The following PRUNE2 variants were observed in gnomAD, a reference collection of about 807,000 sequenced individuals.
PRUNE2 encodes protein prune homolog 2.
A neutral mutation model predicts 252.0 loss-of-function variants in PRUNE2; 164 were observed. That is an observed-to-expected ratio of 0.65 (90% CI 0.57 to 0.74). PRUNE2 has a LOEUF of 0.74. Ranked by LOEUF, PRUNE2 falls within the 30% of genes least tolerant of loss-of-function variation. The pLI is 0.00. For missense variants in PRUNE2, 3,495 were observed against 3,711.0 expected, an observed-to-expected ratio of 0.94 and a Z score of 1.51; for synonymous variants, 1,292 against 1,350.2, an observed-to-expected ratio of 0.96 and a Z score of 0.94.
chr9:76,692,397 A>T, intron 9 of PRUNE2: 1 of 491,890 alleles, frequency 2.0e-6, no homozygotes, highest in Middle Eastern at 5.4e-4. Context: ...CCTGCTCCCG[A>T]GTGAGACTGG....
At chr9:76,651,634 A>G (rs1255043319) in intron 11 of PRUNE2, among the ~76,000 whole-genome samples, 1 of 152,234 alleles carries the variant, frequency 6.6e-6, no homozygotes, top group Non-Finnish European at 1.5e-5. Flanking sequence ...GTATTTGTAC[A>G]TATTTCTTAA....
chr9:76,804,504 T>C (rs1323725703), intron 6 of PRUNE2, among the ~76,000 whole-genome samples: 1 of 152,244 alleles, frequency 6.6e-6, no homozygotes, highest in Non-Finnish European at 1.5e-5. Context: ...GCTATCATCT[T>C]GGTGCTTCAA....
chr9:76,730,175 C>T (rs978905793), intron 6 of PRUNE2, among the ~76,000 whole-genome samples: 10 of 152,150 alleles, frequency 6.6e-5, no homozygotes, highest in African/African-American at 2.2e-4. Flanking sequence ...TATGTACACA[C>T]CTGTTCAGTC....
intron 9 of PRUNE2, among the ~76,000 whole-genome samples, chr9:76,682,766 G>T (rs2043606898): frequency 5.3e-5 from 8 of 152,138 alleles, no homozygotes; most frequent in Admixed American, 5.2e-4. Context: ...AATTTGTAAA[G>T]ATCAAATCAG....
intron 6 of PRUNE2, among the ~76,000 whole-genome samples, chr9:76,801,062 C>T (rs907930626): frequency 6.6e-6 from 1 of 152,120 alleles, no homozygotes; most frequent in Non-Finnish European, 1.5e-5. Flanking sequence ...CACCAACTGC[C>T]CTCTCCTTGT....
chr9:76,646,564 T>C (rs1844945767), intron 11 of PRUNE2, among the ~76,000 whole-genome samples: 1 of 151,436 alleles, frequency 6.6e-6, no homozygotes, highest in African/African-American at 2.4e-5. Context: ...GTGTCCCTTG[T>C]GCAAATCCAC....
At chr9:76,677,222 T>G (rs12004137) in intron 9 of PRUNE2, among the ~76,000 whole-genome samples, 2,047 of 152,346 alleles carry the variant, frequency 0.013, 47 homozygotes, top group African/African-American at 0.046. Flanking sequence ...TACTGTTGCT[T>G]TGTCTATTTT....
intron 1 of PRUNE2, among the ~76,000 whole-genome samples, chr9:76,897,805 A>C (rs990086902): frequency 2.6e-5 from 4 of 152,176 alleles, no homozygotes; most frequent in Non-Finnish European, 5.9e-5. Context: ...GTGGGAGTTA[A>C]ATCAAATTTT....
intron 6 of PRUNE2, among the ~76,000 whole-genome samples, chr9:76,731,816 G>C (rs1385783459): frequency 6.6e-6 from 1 of 152,154 alleles, no homozygotes; most frequent in Non-Finnish European, 1.5e-5. Flanking sequence ...TTCCTTTACA[G>C]TGTGAACAAA....
At chr9:76,791,791 C>A (rs1035912175) in intron 6 of PRUNE2, among the ~76,000 whole-genome samples, 1 of 152,130 alleles carries the variant, frequency 6.6e-6, no homozygotes, top group African/African-American at 2.4e-5. Flanking sequence ...AGATAAAGAG[C>A]CAGACTACCC....
intron 8 of PRUNE2, among the ~76,000 whole-genome samples, chr9:76,704,505 G>A (rs2046163031): frequency 6.6e-6 from 1 of 152,170 alleles, no homozygotes; most frequent in Admixed American, 6.5e-5. Context: ...GATTACAGGC[G>A]TGAGCCACCG....
chr9:76,687,178 AAC>A (rs1353378711), intron 9 of PRUNE2, among the ~76,000 whole-genome samples: 1 of 152,170 alleles, frequency 6.6e-6, no homozygotes, highest in Non-Finnish European at 1.5e-5. Context: ...TCTATAGATA[AAC>A]AGTCTCTAGC....
At chr9:76,738,653 C>T (rs1173218802) in intron 6 of PRUNE2, 3 of 152,202 alleles carry the variant, frequency 2.0e-5, no homozygotes, top group Admixed American at 2.0e-4. Flanking sequence ...GATTTAACCA[C>T]TGCAGGTCTG....
chr9:76,638,413 TG>T, intron 12 of PRUNE2, 125 bp from the exon 13 acceptor site: 1 of 656,708 alleles, frequency 1.5e-6, no homozygotes, highest in Non-Finnish European at 2.7e-6. Flanking sequence ...CAGCATGAAA[TG>T]GGGATTATGT....
chr9:76,724,708 T>G (rs941585193), intron 6 of PRUNE2, among the ~76,000 whole-genome samples: 1 of 152,124 alleles, frequency 6.6e-6, no homozygotes, highest in African/African-American at 2.4e-5. Flanking sequence ...TCACAACCAA[T>G]CAAAGACAAA....
intron 6 of PRUNE2, among the ~76,000 whole-genome samples, chr9:76,809,492 T>C (rs2057209931): frequency 6.6e-6 from 1 of 152,124 alleles, no homozygotes; most frequent in Admixed American, 6.5e-5. Context: ...GGTCAAGAAA[T>C]CGAGACCATC....
chr9:76,867,734 A>G (rs559251717), intron 1 of PRUNE2, among the ~76,000 whole-genome samples: 2 of 151,952 alleles, frequency 1.3e-5, no homozygotes, highest in African/African-American at 4.8e-5. Flanking sequence ...ATGCCCGGCC[A>G]ATTTTTTTGT....
At chr9:76,898,848 C>T (rs1456736187) in intron 1 of PRUNE2, among the ~76,000 whole-genome samples, 2 of 152,100 alleles carry the variant, frequency 1.3e-5, no homozygotes, top group Admixed American at 1.3e-4. Context: ...GCATTACAGG[C>T]TAAAACAAAT....
At chr9:76,660,093 T>G (rs932285110) in intron 9 of PRUNE2, among the ~76,000 whole-genome samples, 8 of 152,024 alleles carry the variant, frequency 5.3e-5, no homozygotes, top group Admixed American at 1.3e-4. Flanking sequence ...CTTAAAAAAA[T>G]AAGATTAAGT....
Sources: allele counts gnomAD v4.1 joint callset (sites outside exome capture counted in the v4.1 genomes callset), GRCh38; gene constraint gnomAD v4.1.1; transcripts MANE v1.5; gene names NCBI Gene and HGNC (gene_info 2026-07-23, HGNC 2026-07-21).